Variants in MADCAM1 observed in about 807,000 individuals in gnomAD.
MADCAM1 encodes mucosal vascular addressin cell adhesion molecule 1.
Under a neutral mutation model 26.1 loss-of-function variants are expected in MADCAM1, and 19 were observed. The ratio of observed to expected loss-of-function variants is 0.73; its 90% CI spans 0.51 to 1.07. MADCAM1 has a LOEUF of 1.07. MADCAM1 is among the 50% of genes least tolerant of loss of function. The pLI, the probability that MADCAM1 is intolerant of heterozygous loss-of-function variation, is 0.00. For missense variants in MADCAM1, 514 were observed against 542.1 expected (o/e 0.95, Z 0.51); for synonymous variants, 268 against 260.9 (o/e 1.03, Z -0.26).
At position 499,002 on chromosome 19, in the gene MADCAM1, C is replaced by T. The variant is rs995865789; in HGVS notation, c.667+177C>T. On this transcript the variant is annotated intron_variant, in intron 3 of 4. Coordinates refer to ENST00000215637, the MANE Select transcript of MADCAM1 (RefSeq NM_130760.3). ...CAACATGTATTTGCCGAGCACCTGC[C>T]CCCCAGCACAGGTCCCACCCCTCCC... is the stretch of plus-strand genomic sequence containing the variant. 6.1e-6 allele frequency: 6 copies of T among 984,842 alleles called. No individual in the cohort carries two copies. In the African/African-American group the frequency reaches 8.1e-5, roughly 13 times the overall value. 61.0% of individuals were successfully genotyped at this position (984,842 alleles called of 1,614,324 possible). A position where few individuals can be genotyped will look rare whatever the true frequency, so the allele number is the denominator to read the frequency against.
rs771329651 is a variant in MADCAM1 at position 496,548 on chromosome 19, C to G, written c.49C>G (p.Leu17Val). Residue 17 changes from leucine to valine, a missense_variant, in exon 1 of 5, where the codon CTC becomes GTC. Leu to Val is a conservative substitution (Grantham distance 32). This residue lies in a region of MADCAM1 where 317 missense variants were observed against 313.6 expected (regional missense o/e 1.01). Coordinates refer to ENST00000215637, the MANE Select transcript of MADCAM1 (RefSeq NM_130760.3). The stretch of plus-strand genomic sequence containing the variant: ...GCTGGCGGGGCTTCTGGGGCTCCTC[C>G]TCGGTGAGAAGGGGAGGGGGCGCGG... Reference protein sequence around the residue: ...LLLAGLLGLLLGQSLQVKPLQ... With the variant: ...LLLAGLLGLLVGQSLQVKPLQ... 7.7e-7 allele frequency: 1 copy of G among 1,300,216 alleles called. No individual in the cohort carries two copies. The highest frequency in any genetic ancestry group is 3.3e-5 in the South Asian group (1 of 30,290). The allele number at this position is 1,300,216 out of a possible 1,614,324, so 80.5% of individuals were successfully genotyped here.
intron 3 of MADCAM1, chr19:499,142 C>T (rs1276531136): frequency 8.6e-6 from 5 of 582,526 alleles, no homozygotes; most frequent in Non-Finnish European, 1.6e-5. Flanking sequence ...TCCACCCTTT[C>T]TCCCCCTCCT....
At chr19:499,080 C>A (rs1052305615) in intron 3 of MADCAM1, 1 of 684,674 alleles carries the variant, frequency 1.5e-6, no homozygotes. Context: ...CAAGTCCTCC[C>A]GGGGGCCCAC....
At chr19:499,449 C>T (rs923158860) in intron 3 of MADCAM1, 2 of 444,172 alleles carry the variant, frequency 4.5e-6, no homozygotes, top group African/African-American at 4.0e-5. Flanking sequence ...TGCACACAGG[C>T]ACACACGCAC....
chr19:505,071 T>C lies in MADCAM1; in HGVS notation c.*106T>C, dbSNP rs1140823. On this transcript the variant is annotated 3_prime_UTR_variant, in exon 5 of 5. Coordinates refer to ENST00000215637, the MANE Select transcript of MADCAM1 (RefSeq NM_130760.3). ...CATTCTACTCAAAGTCATCCCTCTG[T>C]TCACAGAGATGGATGCATGTTCTGA... 376,271 of 779,048 alleles carry C rather than the reference T, an allele frequency of 0.48. 95,066 individuals carry two copies. The highest frequency in any genetic ancestry group is 0.69 in the African/African-American group (39,422 of 57,062). The allele number at this position is 779,048 out of a possible 1,614,324, so 48.3% of individuals were successfully genotyped here. A position where few individuals can be genotyped will look rare whatever the true frequency, so the allele number is the denominator to read the frequency against.
At chr19:496,613 G>T in intron 1 of MADCAM1, 62 bp downstream of exon 1, 2 of 1,081,890 alleles carry the variant, frequency 1.8e-6, no homozygotes, top group South Asian at 4.7e-5. Flanking sequence ...GGAGAGAGGA[G>T]GGGGCTCAGG....
In MADCAM1 at chr19:498,075, G is replaced by T; in HGVS notation, c.295G>T (p.Gly99Trp). 6.9e-7 allele frequency: 1 copy of T among 1,452,976 alleles called. No homozygotes were observed. Among genetic ancestry groups the T allele is most frequent in the Non-Finnish European group, 9.0e-7 (1 of 1,108,660 alleles). 90.0% of individuals were successfully genotyped at this position (1,452,976 alleles called of 1,614,324 possible). Residue 99 changes from glycine (G) to tryptophan (W), a missense_variant, in exon 2 of 5, where the codon GGG becomes TGG. Around this residue, in one of 3 missense-constraint regions of MADCAM1, gnomAD observed 317 missense variants for 313.6 expected, o/e 1.01. Coordinates refer to ENST00000215637, the MANE Select transcript of MADCAM1 (RefSeq NM_130760.3). ...GACCCGCGTGTGCGTGGGCTCCTGC[G>T]GGGGCCGCACCTTCCAGCACACCGT... Reference protein sequence around the residue: ...AGTRVCVGSCGGRTFQHTVQL... With the variant: ...AGTRVCVGSCWGRTFQHTVQL...
At chr19:496,617 G>A (rs1295680959) in intron 1 of MADCAM1, 66 bp downstream of exon 1, 6 of 1,000,486 alleles carry the variant, frequency 6.0e-6, no homozygotes, top group East Asian at 7.2e-5. Flanking sequence ...AGAGGAGGGG[G>A]CTCAGGAGAG....
At chr19:499,413 T>C (rs1470560066) in intron 3 of MADCAM1, 12 of 447,272 alleles carry the variant, frequency 2.7e-5, no homozygotes, top group South Asian at 1.7e-4. Flanking sequence ...AGCACACACA[T>C]GTACAAACAC....
intron 4 of MADCAM1, among the ~76,000 whole-genome samples, chr19:503,300 G>T (rs1978428606): frequency 7.1e-6 from 1 of 140,314 alleles, no homozygotes; most frequent in Admixed American, 7.4e-5. Context: ...AAAAAAAATG[G>T]GCCGGGCACG....
At chr19:503,670 G>A (rs1978471375) in intron 4 of MADCAM1, among the ~76,000 whole-genome samples, 2 of 152,066 alleles carry the variant, frequency 1.3e-5, no homozygotes, top group South Asian at 4.1e-4. Context: ...GGAGGCCGAG[G>A]CAGGAGGATC....
At chr19:499,060 G>A (rs775171064) in intron 3 of MADCAM1, 2 of 735,964 alleles carry the variant, frequency 2.7e-6, no homozygotes, top group South Asian at 1.5e-5. Context: ...CTTGCCTTGG[G>A]GTCAAAGCCC....
intron 1 of MADCAM1, 53 bp downstream of exon 1, chr19:496,604 G>A: frequency 8.7e-7 from 1 of 1,144,288 alleles, no homozygotes; most frequent in Non-Finnish European, 1.1e-6. Flanking sequence ...GGGGGCTCAG[G>A]AGAGAGGAGG....
Position 504,859 on chromosome 19 carries a change from T to TGGCTGAGGACGACACCC in MADCAM1, c.1044_1060dup (p.His354ArgfsTer12), listed in dbSNP as rs777482249. ...CACCTCTGGAAACGCTGCCGGCACC[T>TGGCTGAGGACGACACCC]GGCTGAGGACGACACCCACCCACCA... is the stretch of plus-strand genomic sequence containing the variant. On this transcript the variant is annotated frameshift_variant, in exon 5 of 5. Coordinates refer to ENST00000215637, the MANE Select transcript of MADCAM1 (RefSeq NM_130760.3). LOFTEE classifies it low-confidence loss of function (END_TRUNC). 1.9e-6 allele frequency: 3 copies of TGGCTGAGGACGACACCC among 1,612,932 alleles called. No individual in the cohort carries two copies. The highest frequency in any genetic ancestry group is 2.5e-6 in the Non-Finnish European group (3 of 1,179,948).
intron 3 of MADCAM1, 147 bp downstream of exon 3, chr19:498,972 C>T: frequency 4.2e-6 from 5 of 1,200,104 alleles, no homozygotes; most frequent in African/African-American, 1.5e-5. Flanking sequence ...CGACATTCAT[C>T]GACGCAACAT....
intron 3 of MADCAM1, among the ~76,000 whole-genome samples, chr19:499,568 G>C (rs548707758): frequency 6.6e-6 from 1 of 152,338 alleles, no homozygotes; most frequent in South Asian, 2.1e-4. Flanking sequence ...ACGCACACGC[G>C]TGTGAGCCCC....
At chr19:499,539 GGCACACGCGTGTACAAACAC>G (rs977750249) in intron 3 of MADCAM1, among the ~76,000 whole-genome samples, 8 of 152,036 alleles carry the variant, frequency 5.3e-5, no homozygotes, top group African/African-American at 1.9e-4. Flanking sequence ...CAGGCACACA[GGCACACGCGTGTACAAACAC>G]GCACACGCGT....
chr19:503,159 T>C (rs1978421261), intron 4 of MADCAM1, among the ~76,000 whole-genome samples: 1 of 152,198 alleles, frequency 6.6e-6, no homozygotes, highest in African/African-American at 2.4e-5. Context: ...GAGGAACTTT[T>C]CTACTTCCTA....
chr19:499,574 GC>G (rs946072840), intron 3 of MADCAM1, among the ~76,000 whole-genome samples: 1 of 152,204 alleles, frequency 6.6e-6, no homozygotes, highest in African/African-American at 2.4e-5. Flanking sequence ...ACGCGTGTGA[GC>G]CCCCTTTCCC....
Sources: gnomAD v4.1 joint callset for allele counts (sites outside exome capture counted in the v4.1 genomes callset) on GRCh38, gnomAD v4.1.1 for gene constraint, gnomAD v4.1.1 regional missense constraint, MANE v1.5 for transcripts, NCBI Gene and HGNC (gene_info 2026-07-23, HGNC 2026-07-21) for gene names.